KLKB1: variants seen among roughly 807,000 people sequenced by gnomAD.
KLKB1 encodes kallikrein B1.
In KLKB1, 58 loss-of-function variants were observed where a neutral mutation model predicts 73.6. That is an observed-to-expected ratio of 0.79 (90% CI 0.64 to 0.98). KLKB1 has a LOEUF of 0.98. Ranked by LOEUF, KLKB1 falls within the 50% of genes least tolerant of loss-of-function variation. The pLI is 0.00. For missense variants in KLKB1, 737 were observed against 763.8 expected (o/e 0.96, Z 0.41); for synonymous variants, 280 against 258.1 (o/e 1.08, Z -0.81).
At chr4:186,251,979 T>TGAA (rs770894352) in intron 10 of KLKB1, 38 bp from the exon 11 acceptor site, 75 of 1,614,028 alleles carry the variant, frequency 4.6e-5, no homozygotes, top group Non-Finnish European at 6.3e-5. Flanking sequence ...TTGATTCACT[T>TGAA]CTAATTCCAA....
chr4:186,255,847 A>C (rs1561467971), intron 12 of KLKB1, 145 bp from the exon 13 acceptor site: 1 of 633,222 alleles, frequency 1.6e-6, no homozygotes, highest in Non-Finnish European at 2.9e-6. Flanking sequence ...TTGAATCATT[A>C]GCCTTAGAGG....
At chr4:186,237,827 C>T (rs1488655243) in intron 5 of KLKB1, among the ~76,000 whole-genome samples, 1 of 152,130 alleles carries the variant, frequency 6.6e-6, no homozygotes, top group Non-Finnish European at 1.5e-5. Flanking sequence ...TCCCACCTCT[C>T]TGTCACCTTC....
intron 3 of KLKB1, among the ~76,000 whole-genome samples, chr4:186,233,570 T>A (rs1737506135): frequency 6.6e-6 from 1 of 152,238 alleles, no homozygotes. Context: ...AAGGAGTTAA[T>A]AAGCAAGATG....
intron 6 of KLKB1, among the ~76,000 whole-genome samples, chr4:186,248,656 T>G (rs1738512662): frequency 6.7e-6 from 1 of 148,658 alleles, no homozygotes; most frequent in Non-Finnish European, 1.5e-5. Flanking sequence ...AGTTTTTGGG[T>G]AGGCATGCAT....
At chr4:186,247,296 C>T (rs564001160) in intron 6 of KLKB1, among the ~76,000 whole-genome samples, 7 of 151,830 alleles carry the variant, frequency 4.6e-5, no homozygotes, top group Non-Finnish European at 8.8e-5. Context: ...TGGGTGCAGG[C>T]GGGCTGAGTC....
In KLKB1 at chr4:186,250,264, A is replaced by G; in HGVS notation, c.620A>G (p.Gln207Arg). 6.2e-7 allele frequency: 1 copy of G among 1,614,198 alleles called. No homozygotes were observed. Among genetic ancestry groups the G allele is most frequent in the Non-Finnish European group, 8.5e-7 (1 of 1,180,008 alleles). The change falls in exon 7 of 15, where the codon CAG becomes CGG. Residue 207 changes from glutamine (Q) to arginine (R), a missense_variant. Transcript: ENST00000264690. ...SEIGCHMNIF[Q>R]HLAFSDVDVA... ...ACAGGTTGCCACATGAACATCTTCC[A>G]GCATCTTGCGTTCTCAGATGTGGAT...
At position 186,254,727 on chromosome 4, in the gene KLKB1, G is replaced by T. The variant is rs752608419; in HGVS notation, c.1453G>T (p.Ala485Ser). The change falls in exon 12 of 15, where the codon GCC becomes TCC. Residue 485 changes from alanine to serine, a missense_variant. Physicochemically the swap from Ala to Ser is moderately conservative, Grantham distance 99. Transcript: ENST00000264690. The part of the protein sequence containing the change: ...YKVSEGNHDI[A>S]LIKLQAPLNY... ...AGTCTCAGAAGGGAATCATGATATC[G>T]CCTTGATAAAACTCCAGGCTCCTTT... 6.2e-7 allele frequency: 1 copy of T among 1,613,724 alleles called. No individual in the cohort carries two copies. The highest frequency in any genetic ancestry group is 1.7e-5 in the Admixed American group (1 of 60,004).
At position 186,227,551 on chromosome 4, in the gene KLKB1, C is replaced by A. The variant is rs1456754352; in HGVS notation, c.-38C>A. ...TTGAAGACCGTTCATTTTTAAGTGA[C>A]AAGAGACTCACCTCCAAGAAGCAAT... On this transcript the variant is annotated 5_prime_UTR_variant, in exon 1 of 15. Coordinates refer to ENST00000264690, the MANE Select transcript of KLKB1 (RefSeq NM_000892.5). 1 of 152,274 alleles carries A rather than the reference C, an allele frequency of 6.6e-6. No individual in the cohort carries two copies. Among genetic ancestry groups the A allele is most frequent in the Non-Finnish European group, 1.5e-5 (1 of 68,134 alleles). 9.4% of individuals were successfully genotyped at this position (152,274 alleles called of 1,614,324 possible).
At chr4:186,220,534 T>C (rs538171040) in intron 2 of KLKB1, among the ~76,000 whole-genome samples, 123 of 152,342 alleles carry the variant, frequency 8.1e-4, no homozygotes, top group African/African-American at 2.9e-3. Context: ...CTTTGACTTT[T>C]TTAGATTCTG....
chr4:186,220,437 G>T (rs1737007857), intron 2 of KLKB1, among the ~76,000 whole-genome samples: 1 of 152,100 alleles, frequency 6.6e-6, no homozygotes, highest in African/African-American at 2.4e-5. Context: ...CTGCATAATT[G>T]GAACTTTGGA....
intron 6 of KLKB1, among the ~76,000 whole-genome samples, chr4:186,240,129 C>T (rs551251712): frequency 4.8e-3 from 574 of 119,296 alleles, no homozygotes; most frequent in Non-Finnish European, 8.1e-3. Context: ...GACAGTGATA[C>T]TGTTATAGTT....
intron 6 of KLKB1, among the ~76,000 whole-genome samples, chr4:186,245,809 TTTGTTTGTTTTTTGG>T (rs1253569553): frequency 0.019 from 1,729 of 90,466 alleles, 202 homozygotes; most frequent in African/African-American, 0.062. Flanking sequence ...GGAGTTTTTT[TTTGTTTGTTTTTTGG>T]TTTTTTTTTT....
chr4:186,216,296 G>A (rs1215132191), intron 2 of KLKB1, among the ~76,000 whole-genome samples: 1 of 152,184 alleles, frequency 6.6e-6, no homozygotes, highest in Admixed American at 6.5e-5. Flanking sequence ...GTTCTATTGA[G>A]GGAGCTGGGG....
At chr4:186,242,224 T>C (rs1004748047) in intron 6 of KLKB1, among the ~76,000 whole-genome samples, 5 of 152,180 alleles carry the variant, frequency 3.3e-5, no homozygotes, top group African/African-American at 1.2e-4. Context: ...ACGTCATCAG[T>C]TAAGGCAGGA....
At chr4:186,243,299 G>A (rs1245726896) in intron 6 of KLKB1, among the ~76,000 whole-genome samples, 2 of 152,180 alleles carry the variant, frequency 1.3e-5, no homozygotes, top group Non-Finnish European at 2.9e-5. Context: ...AACTTACATG[G>A]AAGAGTTTAT....
In KLKB1 at chr4:186,250,318, T is replaced by C. The variant is rs1469436943; in HGVS notation, c.674T>C (p.Phe225Ser). Reference protein sequence around the residue: ...DVARVLTPDAFVCRTICTYHP... With the variant: ...DVARVLTPDASVCRTICTYHP... ...GCCAGGGTTCTCACTCCAGATGCTT[T>C]TGTGTGTCGGACCATCTGCACCTAT... The change falls in exon 7 of 15, where the codon TTT (phenylalanine) becomes TCT (serine). Residue 225 changes from phenylalanine (F) to serine (S), a missense_variant. By Grantham distance (155) the Phe-to-Ser change is radical (BLOSUM62 -2). Transcript: ENST00000264690. The C allele has an allele frequency of 2.5e-6, 4 of 1,613,984 alleles. No homozygotes were observed. The highest frequency in any genetic ancestry group is 3.3e-5 in the Admixed American group (2 of 59,998).
At chr4:186,218,263 G>T (rs1462545832) in intron 2 of KLKB1, among the ~76,000 whole-genome samples, 1 of 152,150 alleles carries the variant, frequency 6.6e-6, no homozygotes, top group African/African-American at 2.4e-5. Flanking sequence ...TAGGGTGTAG[G>T]AAGGCATAGA....
intron 6 of KLKB1, among the ~76,000 whole-genome samples, chr4:186,241,600 G>A (rs1013404261): frequency 1.6e-4 from 24 of 152,266 alleles, no homozygotes; most frequent in African/African-American, 5.8e-4. Flanking sequence ...CTCTGACATG[G>A]AAAATTCCTA....
chr4:186,237,223 C>T (rs1196885896), intron 5 of KLKB1, among the ~76,000 whole-genome samples: 13 of 152,150 alleles, frequency 8.5e-5, no homozygotes, highest in African/African-American at 2.4e-4. Context: ...CTCAGCCTCC[C>T]GAGTAGCTGG....
Sources: allele counts gnomAD v4.1 joint callset (sites outside exome capture counted in the v4.1 genomes callset), GRCh38; gene constraint gnomAD v4.1.1; transcripts MANE v1.5; gene names NCBI Gene and HGNC (gene_info 2026-07-23, HGNC 2026-07-21).